The following GRAMD2A variants were observed in gnomAD, a reference collection of about 807,000 sequenced individuals.
The protein encoded by GRAMD2A is GRAM domain-containing protein 2A.
A neutral mutation model predicts 51.1 loss-of-function variants in GRAMD2A; 37 were observed. The ratio of observed to expected loss-of-function variants is 0.72; its 90% CI spans 0.56 to 0.95. The LOEUF is 0.95. GRAMD2A is among the 40% of genes least tolerant of loss of function. The pLI is 0.00. For missense variants in GRAMD2A, 414 were observed against 426.9 expected (o/e 0.97, Z 0.27); for synonymous variants, 136 against 157.1 (o/e 0.87, Z 1.01).
chr15:72,163,517 C>G, intron 9 of GRAMD2A, 41 bp from the exon 10 acceptor site: 1 of 1,604,476 alleles, frequency 6.2e-7, no homozygotes, highest in Non-Finnish European at 8.5e-7. Flanking sequence ...CTCTCAGAAG[C>G]CCTGCTGGCT....
intron 1 of GRAMD2A, among the ~76,000 whole-genome samples, chr15:72,182,426 T>C (rs944907392): frequency 7.0e-5 from 7 of 100,310 alleles, no homozygotes; most frequent in Admixed American, 6.6e-4. Flanking sequence ...AAAGAAAACA[T>C]AAGTGTAAAT....
Position 72,197,728 on chromosome 15 carries a change from T to G in GRAMD2A, c.41+3A>C. The G allele has an allele frequency of 2.3e-6, 3 of 1,332,782 alleles. No individual in the cohort carries two copies. Among genetic ancestry groups the G allele is most frequent in the Non-Finnish European group, 2.9e-6 (3 of 1,034,690 alleles). The allele number at this position is 1,332,782 out of a possible 1,614,324, so 82.6% of individuals were successfully genotyped here. On this transcript the variant is annotated splice_donor_region_variant and intron_variant, in intron 1 of 11. Transcript: ENST00000309731. Reference sequence around the variant, plus strand: ...GACCGGCCCCCGGGCCGCAACCCCTTACCCGCCCTCCTCGGTGGCCTCGCT... The same window carrying G: ...GACCGGCCCCCGGGCCGCAACCCCTGACCCGCCCTCCTCGGTGGCCTCGCT...
At chr15:72,184,221 G>C (rs566057707) in intron 1 of GRAMD2A, among the ~76,000 whole-genome samples, 2 of 152,326 alleles carry the variant, frequency 1.3e-5, no homozygotes, top group African/African-American at 4.8e-5. Flanking sequence ...TCCACCCCTC[G>C]GCTAGCACAG....
chr15:72,189,176 C>T (rs147611349), intron 1 of GRAMD2A, among the ~76,000 whole-genome samples: 11 of 152,194 alleles, frequency 7.2e-5, no homozygotes, highest in African/African-American at 1.4e-4. Context: ...AAAGGCACTG[C>T]GATATTATTA....
At chr15:72,178,720 G>A (rs1286836846) in intron 1 of GRAMD2A, among the ~76,000 whole-genome samples, 5 of 151,468 alleles carry the variant, frequency 3.3e-5, no homozygotes, top group Non-Finnish European at 5.9e-5. Flanking sequence ...GACTACAGGC[G>A]CCCGCCACCA....
intron 1 of GRAMD2A, among the ~76,000 whole-genome samples, chr15:72,178,566 T>G (rs1323283512): frequency 6.7e-6 from 1 of 149,942 alleles, no homozygotes; most frequent in Non-Finnish European, 1.5e-5. Context: ...GTCTTGCACT[T>G]TCTTTTTTTT....
intron 1 of GRAMD2A, among the ~76,000 whole-genome samples, chr15:72,171,870 CCCAGGCTGGAGT>C (rs1254120270): frequency 6.7e-6 from 1 of 150,370 alleles, no homozygotes; most frequent in Non-Finnish European, 1.5e-5. Flanking sequence ...CTCTCTGTCG[CCCAGGCTGGAGT>C]CCAGTGGCGT....
In GRAMD2A at chr15:72,162,283, G is replaced by C. The variant is rs762482504; in HGVS notation, c.1051C>G (p.Pro351Ala). Residue 351 changes from proline to alanine, a missense_variant, in exon 11 of 12, where the codon CCT becomes GCT. Pro to Ala is a conservative substitution (Grantham distance 27, BLOSUM62 -1). Transcript: ENST00000309731. ...LCSLSWDDPV[P>A]GHR ...GAGAAAAGGCCTCACCTGTGCCCAG[G>C]GACTGGGTCATCCCAACTCAAGGAG... 2.5e-6 allele frequency: 4 copies of C among 1,612,012 alleles called. No individual in the cohort carries two copies. Among genetic ancestry groups the C allele is most frequent in the Non-Finnish European group, 3.4e-6 (4 of 1,178,210 alleles).
At chr15:72,172,092 C>T (rs1329859262) in intron 1 of GRAMD2A, among the ~76,000 whole-genome samples, 1 of 151,724 alleles carries the variant, frequency 6.6e-6, no homozygotes, top group Non-Finnish European at 1.5e-5. Flanking sequence ...TCCCAGAGTG[C>T]TGGGATTACA....
intron 1 of GRAMD2A, among the ~76,000 whole-genome samples, chr15:72,183,477 T>C (rs2081712584): frequency 6.6e-6 from 1 of 151,908 alleles, no homozygotes; most frequent in Non-Finnish European, 1.5e-5. Flanking sequence ...ATCGCGCCAC[T>C]GCACTCCAGC....
chr15:72,182,032 A>C (rs1302873230), intron 1 of GRAMD2A, among the ~76,000 whole-genome samples: 1 of 152,212 alleles, frequency 6.6e-6, no homozygotes, highest in Non-Finnish European at 1.5e-5. Context: ...CACATGGAAA[A>C]GAATAACATG....
At chr15:72,167,661 C>T (rs530911376) in intron 5 of GRAMD2A, 75 bp downstream of exon 5, 4 of 1,165,718 alleles carry the variant, frequency 3.4e-6, no homozygotes, top group Non-Finnish European at 5.2e-6. Flanking sequence ...ATAGGCATGA[C>T]TTTGAGGCAT....
Position 72,167,751 on chromosome 15 carries a change from A to G in GRAMD2A, c.357T>C (p.Phe119=). ...TCATTACTACCTTGATATCCTTGCC[A>G]AAGAGGCTGGCATGGAAGCAGAGCC... ...PNWLCFHASL[F]GKDIKVVIPV... is the part of the protein sequence containing the mutation. Residue 119 remains phenylalanine (F), a synonymous_variant, in exon 5 of 12, where the codon TTT becomes TTC. Coordinates refer to ENST00000309731, the MANE Select transcript of GRAMD2A (RefSeq NM_001012642.3). The G allele has an allele frequency of 6.2e-7, 1 of 1,613,690 alleles. No homozygotes were observed.
intron 7 of GRAMD2A, among the ~76,000 whole-genome samples, chr15:72,165,662 T>C (rs1358034798): frequency 6.6e-6 from 1 of 152,130 alleles, no homozygotes. Flanking sequence ...GAGAGAGTCA[T>C]AGGGCATGTT....
Position 72,168,534 on chromosome 15 carries a change from G to A in GRAMD2A, c.225C>T (p.His75=). 1 of 1,613,856 alleles carries A rather than the reference G, an allele frequency of 6.2e-7. No homozygotes were observed. Among genetic ancestry groups the A allele is most frequent in the Non-Finnish European group, 8.5e-7 (1 of 1,179,840 alleles). The change falls in exon 4 of 12, where the codon CAC becomes CAT. Residue 75 remains histidine (H), a synonymous_variant. Coordinates refer to ENST00000309731, the MANE Select transcript of GRAMD2A (RefSeq NM_001012642.3). ...ITLNKYNQQY[H]KLFKDVPLEE... is the part of the protein sequence containing the mutation. Reference sequence around the variant, plus strand: ...CCAAGGGAACATCCTTAAACAGCTTGTGGTATTGCTGGTTGTATTTATTCA... The same window carrying A: ...CCAAGGGAACATCCTTAAACAGCTTATGGTATTGCTGGTTGTATTTATTCA...
intron 11 of GRAMD2A, 47 bp from the exon 12 acceptor site, chr15:72,162,059 A>G (rs766833941): frequency 5.6e-6 from 9 of 1,613,026 alleles, no homozygotes; most frequent in Admixed American, 5.0e-5. Flanking sequence ...CCCAGAATGC[A>G]GACGGACGTG....
rs184022687 is a variant in GRAMD2A, at chr15:72,183,153, G to A, written c.42-13214C>T. 3.1e-3 allele frequency among the ~76,000 whole-genome samples: 462 copies of A among 151,296 alleles called. 3 individuals carry two copies. The highest frequency in any genetic ancestry group is 0.011 in the African/African-American group (448 of 41,340). ...CTCCCAAAGTGTTGGGATTACAGGT[G>A]TGAGCCACTGTGCCCAGATGGTAGG... On this transcript the variant is annotated intron_variant, in intron 1 of 11. Coordinates refer to ENST00000309731, the MANE Select transcript of GRAMD2A (RefSeq NM_001012642.3).
intron 10 of GRAMD2A, chr15:72,163,002 CT>C: frequency 2.4e-6 from 1 of 423,428 alleles, no homozygotes; most frequent in Non-Finnish European, 4.2e-6. Context: ...TCCTTTTCCT[CT>C]TCTCAACATC....
chr15:72,186,878 G>A (rs190853610), intron 1 of GRAMD2A, among the ~76,000 whole-genome samples: 1 of 152,186 alleles, frequency 6.6e-6, no homozygotes, highest in Non-Finnish European at 1.5e-5. Context: ...TGAATGCAGT[G>A]GCTCATGTCT....
Sources: allele counts gnomAD v4.1 joint callset (sites outside exome capture counted in the v4.1 genomes callset), GRCh38; gene constraint gnomAD v4.1.1; transcripts MANE v1.5; gene names NCBI Gene and HGNC (gene_info 2026-07-23, HGNC 2026-07-21).